SBF2: variants seen among roughly 807,000 people sequenced by gnomAD.
The protein encoded by SBF2 is SET binding factor 2.
A neutral mutation model predicts 225.2 loss-of-function variants in SBF2; 112 were observed. The observed-to-expected ratio is 0.50, with a 90% confidence interval of 0.43 to 0.58. The LOEUF (loss-of-function observed/expected upper bound fraction) is 0.58, where lower values mean the gene tolerates loss of function less well. SBF2 is among the 20% of genes least tolerant of loss of function. SBF2 has a pLI of 0.00. For missense variants in SBF2, 1,996 were observed against 2,206.2 expected (o/e 0.90, Z 1.91); for synonymous variants, 763 against 773.3 (o/e 0.99, Z 0.22).
chr11:9,781,428 C>G, intron 39 of SBF2, 79 bp downstream of exon 39: 1 of 1,590,350 alleles, frequency 6.3e-7, no homozygotes. Context: ...ACCAATTACT[C>G]TGAGGGCTCC....
At chr11:9,955,902 T>C (rs909401144) in intron 16 of SBF2, among the ~76,000 whole-genome samples, 83 of 152,246 alleles carry the variant, frequency 5.5e-4, no homozygotes, top group South Asian at 1.9e-3. Flanking sequence ...TATGTTTGTA[T>C]CATTAGATTA....
chr11:9,953,360 T>G (rs917066635), intron 16 of SBF2, among the ~76,000 whole-genome samples: 1 of 152,140 alleles, frequency 6.6e-6, no homozygotes, highest in Admixed American at 6.5e-5. Context: ...AGAGAATTGC[T>G]TAAACCTGGG....
intron 28 of SBF2, among the ~76,000 whole-genome samples, chr11:9,825,108 C>G (rs1455399641): frequency 6.6e-6 from 1 of 151,988 alleles, no homozygotes; most frequent in African/African-American, 2.4e-5. Context: ...AAATCCCAAC[C>G]CCCAGTGCCT....
intron 17 of SBF2, among the ~76,000 whole-genome samples, chr11:9,866,928 T>C (rs1347152524): frequency 6.6e-6 from 1 of 152,138 alleles, no homozygotes; most frequent in Non-Finnish European, 1.5e-5. Flanking sequence ...TGAGCAGACA[T>C]TTCTTAAAAG....
At chr11:10,296,884 G>A (rs1192649865), upstream of SBF2, among the ~76,000 whole-genome samples, 2 of 152,200 alleles carry the variant, frequency 1.3e-5, no homozygotes, top group Middle Eastern at 3.4e-3. Context: ...TGTTGTTTAT[G>A]TTTTGTTATA....
At chr11:10,011,783 G>T (rs1948470681) in intron 6 of SBF2, among the ~76,000 whole-genome samples, 1 of 152,190 alleles carries the variant, frequency 6.6e-6, no homozygotes, top group East Asian at 1.9e-4. Context: ...TGTTCTCAAG[G>T]GTTTGCCTTT....
At chr11:9,851,175 C>T (rs955996929) in intron 21 of SBF2, among the ~76,000 whole-genome samples, 4 of 144,750 alleles carry the variant, frequency 2.8e-5, no homozygotes, top group Non-Finnish European at 4.6e-5. Context: ...ACCCAGAATA[C>T]ATAGATTAGT....
intron 6 of SBF2, chr11:10,016,349 G>C (rs1027063718): frequency 1.3e-5 from 2 of 152,044 alleles, no homozygotes; most frequent in Non-Finnish European, 2.9e-5. Flanking sequence ...CAATATTCTA[G>C]TGCTTAAAGG....
intron 39 of SBF2, 44 bp from the exon 40 acceptor site, chr11:9,780,560 T>G: frequency 6.5e-7 from 1 of 1,533,626 alleles, no homozygotes; most frequent in Non-Finnish European, 9.0e-7. Context: ...AGGGCAGGGC[T>G]GTTTTATGGA....
At chr11:10,221,241 C>T (rs565157927) in intron 1 of SBF2, among the ~76,000 whole-genome samples, 2 of 152,142 alleles carry the variant, frequency 1.3e-5, no homozygotes, top group East Asian at 3.9e-4. Context: ...TCTCAGCCTC[C>T]CAAGTAGCTG....
intron 2 of SBF2, among the ~76,000 whole-genome samples, chr11:10,048,556 A>G (rs1949954977): frequency 6.6e-6 from 1 of 152,188 alleles, no homozygotes; most frequent in South Asian, 2.1e-4. Flanking sequence ...TATGCCAAAC[A>G]TATTTTGGCA....
At chr11:9,970,267 C>T (rs1275769443) in intron 13 of SBF2, among the ~76,000 whole-genome samples, 3 of 151,214 alleles carry the variant, frequency 2.0e-5, no homozygotes, top group South Asian at 2.1e-4. Flanking sequence ...AGGGCAGTGG[C>T]GTGATCTCGG....
chr11:9,898,897 G>T (rs1055008239), intron 16 of SBF2, among the ~76,000 whole-genome samples: 2 of 151,956 alleles, frequency 1.3e-5, no homozygotes, highest in Non-Finnish European at 2.9e-5. Flanking sequence ...GAGAAAAAGG[G>T]GCTAAGGACA....
At position 10,091,818 on chromosome 11, in the gene SBF2, C is replaced by T. The variant is rs76973320; in HGVS notation, c.142-48837G>A. Reference sequence around the variant, plus strand: ...CCTGCACAAGGAGATAAAGAAAGCACGAACTGATCTAAAACCAAGACAACT... The same window carrying T: ...CCTGCACAAGGAGATAAAGAAAGCATGAACTGATCTAAAACCAAGACAACT... On this transcript the variant is annotated intron_variant, in intron 2 of 39. Coordinates refer to ENST00000256190, the MANE Select transcript of SBF2 (RefSeq NM_030962.4). Among the ~76,000 whole-genome samples the T allele has an allele frequency of 9.2e-5, 14 of 152,236 alleles. No individual in the cohort carries two copies. In the East Asian group the frequency reaches 2.1e-3, roughly 23 times the overall value.
At chr11:10,022,470 AAC>A (rs1471347228) in intron 6 of SBF2, among the ~76,000 whole-genome samples, 1 of 152,154 alleles carries the variant, frequency 6.6e-6, no homozygotes, top group African/African-American at 2.4e-5. Context: ...TTTATTATAA[AAC>A]ACAGATATAG....
intron 17 of SBF2, among the ~76,000 whole-genome samples, chr11:9,889,973 G>A (rs934367829): frequency 3.3e-5 from 5 of 151,912 alleles, no homozygotes; most frequent in South Asian, 2.1e-4. Context: ...GCGTAATCTC[G>A]GCTAACTGCA....
intron 17 of SBF2, among the ~76,000 whole-genome samples, chr11:9,859,663 T>C (rs1470530332): frequency 5.3e-5 from 8 of 152,252 alleles, no homozygotes; most frequent in East Asian, 1.9e-4. Flanking sequence ...ACTAAGGTTA[T>C]ATAACTGTTA....
chr11:10,030,969 C>T, intron 4 of SBF2, 79 bp downstream of exon 4: 1 of 1,231,746 alleles, frequency 8.1e-7, no homozygotes, highest in East Asian at 2.4e-5. Context: ...TATTTTCAAT[C>T]CAAAGAACTT....
At chr11:9,925,614 C>T (rs923312571) in intron 16 of SBF2, among the ~76,000 whole-genome samples, 2 of 152,138 alleles carry the variant, frequency 1.3e-5, no homozygotes, top group Admixed American at 6.5e-5. Context: ...TGGACTAAGT[C>T]CTCAAAAGCC....
Sources: allele counts gnomAD v4.1 joint callset (sites outside exome capture counted in the v4.1 genomes callset), GRCh38; gene constraint gnomAD v4.1.1; transcripts MANE v1.5; gene names NCBI Gene and HGNC (gene_info 2026-07-23, HGNC 2026-07-21).